The following CHCHD6 variants were observed in gnomAD, a reference collection of about 807,000 sequenced individuals.
The protein encoded by CHCHD6 is MICOS complex subunit MIC25.
CHCHD6 carries 28 observed loss-of-function variants against 32.3 expected under a neutral mutation model. The ratio of observed to expected loss-of-function variants is 0.87; its 90% CI spans 0.64 to 1.19. The LOEUF (loss-of-function observed/expected upper bound fraction) is 1.19. Among genes scored for constraint, CHCHD6 ranks in the 50% most tolerant of loss-of-function variants. CHCHD6 has a pLI of 0.00. For synonymous variants in CHCHD6, 122 were observed against 117.5 expected, an observed-to-expected ratio of 1.04 and a Z score of -0.25; for missense variants, 333 against 307.0, an observed-to-expected ratio of 1.08 and a Z score of -0.63.
intron 6 of CHCHD6, among the ~76,000 whole-genome samples, chr3:126,931,447 G>GGCT (rs745525935): frequency 3.9e-5 from 6 of 152,170 alleles, no homozygotes; most frequent in Non-Finnish European, 8.8e-5. Flanking sequence ...GTCTTGGTGA[G>GGCT]GCTGCTGCAG....
intron 4 of CHCHD6, among the ~76,000 whole-genome samples, chr3:126,842,639 A>G (rs1941139142): frequency 6.6e-6 from 1 of 152,220 alleles, no homozygotes; most frequent in Admixed American, 6.5e-5. Context: ...GCATTTAAGT[A>G]CATTTACCTC....
intron 4 of CHCHD6, among the ~76,000 whole-genome samples, chr3:126,747,207 G>A (rs78779605): frequency 0.015 from 2,266 of 152,248 alleles, 31 homozygotes; most frequent in Non-Finnish European, 0.023. Context: ...TCTAACTGAG[G>A]TCTGAAGCCC....
intron 5 of CHCHD6, 111 bp downstream of exon 5, chr3:126,852,841 G>C: frequency 1.4e-6 from 1 of 700,750 alleles, no homozygotes; most frequent in South Asian, 1.6e-5. Flanking sequence ...GTGCCCATTC[G>C]CCCAGATGCC....
chr3:126,890,083 A>T (rs139290847), intron 5 of CHCHD6, among the ~76,000 whole-genome samples: 2,273 of 152,178 alleles, frequency 0.015, 31 homozygotes, highest in Non-Finnish European at 0.024. Context: ...CTTTGAGGTG[A>T]CCCCCAAGGT....
At chr3:126,799,685 G>A (rs1938973347) in intron 4 of CHCHD6, among the ~76,000 whole-genome samples, 1 of 152,088 alleles carries the variant, frequency 6.6e-6, no homozygotes, top group African/African-American at 2.4e-5. Context: ...GTCTGCTTGG[G>A]GGATGCCTGA....
chr3:126,761,012 T>C (rs1937142682), intron 4 of CHCHD6, among the ~76,000 whole-genome samples: 1 of 152,096 alleles, frequency 6.6e-6, no homozygotes, highest in Non-Finnish European at 1.5e-5. Context: ...AAAAAATAAT[T>C]TGTAGAGAGA....
chr3:126,938,176 C>G (rs2078510148), intron 6 of CHCHD6, among the ~76,000 whole-genome samples: 1 of 152,174 alleles, frequency 6.6e-6, no homozygotes, highest in Non-Finnish European at 1.5e-5. Context: ...GGCAAGGGGC[C>G]ATTAGCTTGT....
chr3:126,860,685 C>T (rs1451811325), intron 5 of CHCHD6, among the ~76,000 whole-genome samples: 2 of 152,240 alleles, frequency 1.3e-5, no homozygotes, highest in East Asian at 1.9e-4. Context: ...AGTAATGGTA[C>T]CACCATGAAA....
At chr3:126,896,995 C>T (rs1468939147) in intron 5 of CHCHD6, among the ~76,000 whole-genome samples, 1 of 152,206 alleles carries the variant, frequency 6.6e-6, no homozygotes, top group Non-Finnish European at 1.5e-5. Flanking sequence ...CAGTGAGGAC[C>T]TTAACCTCCC....
At chr3:126,915,520 G>A (rs967126914) in intron 6 of CHCHD6, among the ~76,000 whole-genome samples, 7 of 152,200 alleles carry the variant, frequency 4.6e-5, no homozygotes, top group African/African-American at 1.7e-4. Flanking sequence ...TCATAAATTA[G>A]CCAAGGGGCT....
Position 126,730,638 on chromosome 3 carries a change from C to G in CHCHD6, c.266+8C>G. On this transcript the variant is annotated splice_region_variant and intron_variant, in intron 3 of 7. Coordinates refer to ENST00000290913, the MANE Select transcript of CHCHD6 (RefSeq NM_032343.3). ...GAAGGAGGGTGTCAAGAGGTGAGCC[C>G]GAGAGCCTGCTTGCTCCCGGCACTG... 2 of 1,612,780 alleles carry G rather than the reference C, an allele frequency of 1.2e-6. No homozygotes were observed. The highest frequency in any genetic ancestry group is 8.5e-7 in the Non-Finnish European group (1 of 1,179,144).
intron 4 of CHCHD6, among the ~76,000 whole-genome samples, chr3:126,825,393 A>G (rs991351922): frequency 1.3e-5 from 2 of 152,130 alleles, no homozygotes; most frequent in Non-Finnish European, 2.9e-5. Flanking sequence ...TTGTTTTTAC[A>G]GTTGTTGGTT....
At chr3:126,905,338 T>G (rs1044962044) in intron 5 of CHCHD6, among the ~76,000 whole-genome samples, 1 of 152,182 alleles carries the variant, frequency 6.6e-6, no homozygotes, top group Non-Finnish European at 1.5e-5. Context: ...ATGACATTAT[T>G]CAGCAGAGAT....
At chr3:126,790,735 T>C (rs1056739730) in intron 4 of CHCHD6, among the ~76,000 whole-genome samples, 2 of 152,186 alleles carry the variant, frequency 1.3e-5, no homozygotes, top group African/African-American at 4.8e-5. Flanking sequence ...TAATCTTTTT[T>C]CAAGGTTTTT....
intron 4 of CHCHD6, among the ~76,000 whole-genome samples, chr3:126,835,931 C>T (rs1164671985): frequency 6.6e-6 from 1 of 152,224 alleles, no homozygotes; most frequent in African/African-American, 2.4e-5. Context: ...TCCTTGCCAC[C>T]TTTCCGTAGC....
At chr3:126,908,932 G>A (rs952269821) in intron 5 of CHCHD6, among the ~76,000 whole-genome samples, 1 of 152,252 alleles carries the variant, frequency 6.6e-6, no homozygotes, top group Non-Finnish European at 1.5e-5. Context: ...CCCGGAAGAG[G>A]TGGGTCCTGA....
intron 4 of CHCHD6, among the ~76,000 whole-genome samples, chr3:126,835,713 C>T (rs72978868): frequency 0.028 from 4,285 of 152,288 alleles, 138 homozygotes; most frequent in East Asian, 0.14. Context: ...TTTTCTCCCT[C>T]CCCATCTCTC....
chr3:126,874,099 C>T (rs2077511303), intron 5 of CHCHD6, among the ~76,000 whole-genome samples: 1 of 152,234 alleles, frequency 6.6e-6, no homozygotes, highest in Admixed American at 6.5e-5. Flanking sequence ...AGACAGTCTG[C>T]TTCCATGTCA....
chr3:126,764,604 A>C (rs1210761667), intron 4 of CHCHD6, among the ~76,000 whole-genome samples: 1 of 152,174 alleles, frequency 6.6e-6, no homozygotes, highest in African/African-American at 2.4e-5. Context: ...GGCTGCCGGA[A>C]GATCTAAGTG....
Sources: allele counts gnomAD v4.1 joint callset (sites outside exome capture counted in the v4.1 genomes callset), GRCh38; gene constraint gnomAD v4.1.1; transcripts MANE v1.5; gene names NCBI Gene and HGNC (gene_info 2026-07-23, HGNC 2026-07-21).